The following PCDH15 variants were observed in gnomAD, a reference collection of about 807,000 sequenced individuals.
The protein encoded by PCDH15 is protocadherin related 15.
In PCDH15, 129 loss-of-function variants were observed where a neutral mutation model predicts 178.5. That is an observed-to-expected ratio of 0.72 (90% CI 0.63 to 0.84). The LOEUF (loss-of-function observed/expected upper bound fraction) is 0.84, where lower values mean the gene tolerates loss of function less well. Ranked by LOEUF, PCDH15 falls within the 40% of genes least tolerant of loss-of-function variation. The probability of loss-of-function intolerance (pLI) is 0.00; values close to 1 mark genes in which losing one functional copy is unlikely to be tolerated. For synonymous variants in PCDH15, 800 were observed against 732.0 expected (o/e 1.09, Z -1.50); for missense variants, 2,230 against 2,099.9 (o/e 1.06, Z -1.21).
chr10:54,738,018 C>T (rs1388079285), intron 1 of PCDH15, among the ~76,000 whole-genome samples: 2 of 152,026 alleles, frequency 1.3e-5, no homozygotes, highest in East Asian at 1.9e-4. Context: ...GGGAGGAGCA[C>T]TCTAGGCCAT....
chr10:55,527,493 TCATCTTAAGGAATTACATCAGTAA>T (rs1841325928), intron 2 of PCDH15, among the ~76,000 whole-genome samples: 1 of 152,038 alleles, frequency 6.6e-6, no homozygotes, highest in Non-Finnish European at 1.5e-5. Flanking sequence ...CAGGATGACT[TCATCTTAAGGAATTACATCAGTAA>T]CTACTTCCAA....
intron 8 of PCDH15, among the ~76,000 whole-genome samples, chr10:54,257,545 T>A (rs769231846): frequency 6.6e-6 from 1 of 152,034 alleles, no homozygotes; most frequent in Non-Finnish European, 1.5e-5. Flanking sequence ...AAATTGCTAC[T>A]CTTCATTGAG....
chr10:55,427,022 T>C (rs1434599393), intron 2 of PCDH15, among the ~76,000 whole-genome samples: 1 of 151,914 alleles, frequency 6.6e-6, no homozygotes, highest in Non-Finnish European at 1.5e-5. Context: ...AAAGGGAACA[T>C]TCAAACAGGA....
intron 1 of PCDH15, among the ~76,000 whole-genome samples, chr10:54,763,661 C>T (rs1948157395): frequency 6.6e-6 from 1 of 151,188 alleles, no homozygotes; most frequent in African/African-American, 2.4e-5. Flanking sequence ...TGATGGACAA[C>T]CTAAATATGG....
chr10:55,003,973 T>C (rs1461158168), intron 2 of PCDH15, among the ~76,000 whole-genome samples: 2 of 152,196 alleles, frequency 1.3e-5, no homozygotes, highest in Non-Finnish European at 2.9e-5. Context: ...CGGGAGGCCT[T>C]TGGAGGCCAA....
At chr10:53,908,500 G>C (rs943197413) in intron 25 of PCDH15, among the ~76,000 whole-genome samples, 6 of 152,160 alleles carry the variant, frequency 3.9e-5, no homozygotes, top group African/African-American at 1.4e-4. Context: ...GTCCTATAAA[G>C]TCAAGGGCTC....
chr10:54,861,930 G>A (rs1311538955), intron 3 of PCDH15, among the ~76,000 whole-genome samples: 4 of 152,130 alleles, frequency 2.6e-5, no homozygotes, highest in African/African-American at 9.7e-5. Flanking sequence ...AGAGCTGCTA[G>A]GTAAATACAC....
intron 1 of PCDH15, among the ~76,000 whole-genome samples, chr10:55,265,390 T>A (rs920317736): frequency 6.6e-6 from 1 of 151,468 alleles, no homozygotes; most frequent in Non-Finnish European, 1.5e-5. Flanking sequence ...AATTCTGGAA[T>A]TTCACCCAAA....
At chr10:54,560,092 G>T (rs1937389) in intron 2 of PCDH15, among the ~76,000 whole-genome samples, 117,961 of 151,856 alleles carry the variant, frequency 0.78, 46,808 homozygotes, top group East Asian at 0.99. Context: ...CTTGAGCTTT[G>T]AGAATTTAGG....
At chr10:54,547,589 G>A (rs1348807185) in intron 2 of PCDH15, among the ~76,000 whole-genome samples, 4 of 152,070 alleles carry the variant, frequency 2.6e-5, no homozygotes, top group Non-Finnish European at 4.4e-5. Context: ...ATGTTTTTAG[G>A]TTAATCCATA....
At chr10:55,564,026 T>G (rs1842252226) in intron 2 of PCDH15, among the ~76,000 whole-genome samples, 1 of 151,850 alleles carries the variant, frequency 6.6e-6, no homozygotes, top group Non-Finnish European at 1.5e-5. Flanking sequence ...TAAAAGCTAG[T>G]ATTATTGTAA....
intron 20 of PCDH15, among the ~76,000 whole-genome samples, chr10:54,008,622 T>G (rs995365624): frequency 5.3e-5 from 8 of 152,218 alleles, no homozygotes; most frequent in Non-Finnish European, 1.0e-4. Context: ...CATAACTGTC[T>G]GTCATCAACC....
intron 18 of PCDH15, among the ~76,000 whole-genome samples, chr10:54,025,026 T>G (rs1390639052): frequency 6.6e-6 from 1 of 152,202 alleles, no homozygotes; most frequent in Non-Finnish European, 1.5e-5. Flanking sequence ...ACTAATCATT[T>G]ATGCAATTAG....
At chr10:54,922,521 T>A (rs774297533) in intron 2 of PCDH15, among the ~76,000 whole-genome samples, 1 of 151,954 alleles carries the variant, frequency 6.6e-6, no homozygotes, top group Non-Finnish European at 1.5e-5. Context: ...GACTTTTGAG[T>A]TAATGCTGGA....
At chr10:54,890,954 A>G (rs1954450049) in intron 3 of PCDH15, among the ~76,000 whole-genome samples, 1 of 152,120 alleles carries the variant, frequency 6.6e-6, no homozygotes, top group Non-Finnish European at 1.5e-5. Flanking sequence ...TAATATAAAG[A>G]TATTGCATCA....
intron 1 of PCDH15, among the ~76,000 whole-genome samples, chr10:55,225,673 A>AG (rs1841014355): frequency 2.3e-5 from 3 of 130,892 alleles, no homozygotes; most frequent in Non-Finnish European, 3.4e-5. Flanking sequence ...GAGAGAGAGA[A>AG]ACGGAGAGAG....
intron 31 of PCDH15, 31 bp downstream of exon 31, chr10:53,828,534 A>G: frequency 6.5e-7 from 1 of 1,530,368 alleles, no homozygotes; most frequent in Non-Finnish European, 9.1e-7. Flanking sequence ...TATTACATGA[A>G]AAGGATGTGT....
At position 54,980,766 on chromosome 10, in the gene PCDH15, G is replaced by A. The variant is rs181430814; in HGVS notation, c.-79-83266C>T. On this transcript the variant is annotated intron_variant, in intron 2 of 5. Coordinates refer to the PCDH15 transcript ENST00000458638. ...TTAAATTGATTTTTTTCAAATTTAG[G>A]TGTATTTTTCTATTAGGTAATTTAA... Among the ~76,000 whole-genome samples the A allele has an allele frequency of 5.1e-3, 775 of 151,390 alleles. 4 individuals carry two copies. Among genetic ancestry groups the A allele is most frequent in the African/African-American group, 0.018 (745 of 41,256 alleles).
Position 54,952,276 on chromosome 10 carries a change from G to A in PCDH15, c.-79-54776C>T, listed in dbSNP as rs193023865. Among the ~76,000 whole-genome samples, 293 of 151,764 alleles carry A rather than the reference G, an allele frequency of 1.9e-3. 1 individual carries two copies. The highest frequency in any genetic ancestry group is 6.6e-3 in the African/African-American group (275 of 41,474). ...TGTTCAAAAGCTATTATTCTTCATC[G>A]AATTGCCTTTTGCTCCTTTGTCAGA... On this transcript the variant is annotated intron_variant, in intron 2 of 5. Coordinates refer to the PCDH15 transcript ENST00000458638.
Sources: gnomAD v4.1 joint callset for allele counts (sites outside exome capture counted in the v4.1 genomes callset) on GRCh38, gnomAD v4.1.1 for gene constraint, MANE v1.5 for transcripts, NCBI Gene and HGNC (gene_info 2026-07-23, HGNC 2026-07-21) for gene names.